USP7: variants seen among roughly 807,000 people sequenced by gnomAD.
The protein encoded by USP7 is ubiquitin C-terminal hydrolase 7.
USP7 carries 9 observed loss-of-function variants against 162.9 expected under a neutral mutation model. The ratio of observed to expected loss-of-function variants is 0.06; its 90% CI spans 0.03 to 0.10. The LOEUF (loss-of-function observed/expected upper bound fraction) is 0.10, where lower values mean the gene tolerates loss of function less well. USP7 is among the 10% of genes least tolerant of loss of function. USP7 has a pLI of 1.00. For synonymous variants in USP7, 562 were observed against 475.9 expected, an observed-to-expected ratio of 1.18 and a Z score of -2.35; for missense variants, 715 against 1,373.7, an observed-to-expected ratio of 0.52 and a Z score of 7.58.
Position 8,915,353 on chromosome 16 carries a change from A to G in USP7, c.988-9T>C. The G allele has an allele frequency of 6.2e-7, 1 of 1,613,322 alleles. No individual in the cohort carries two copies. The highest frequency in any genetic ancestry group is 8.5e-7 in the Non-Finnish European group (1 of 1,179,730). ...TTACACTGGATATAGGACTGCAAAT[A>G]AGGAAAGTAAAAGTGGTTTAACTAG... is the stretch of plus-strand genomic sequence containing the variant. On this transcript the variant is annotated splice_polypyrimidine_tract_variant and intron_variant, in intron 9 of 30. Coordinates refer to ENST00000344836, the MANE Select transcript of USP7 (RefSeq NM_003470.3).
chr16:8,899,908 C>A, intron 21 of USP7, 151 bp from the exon 22 acceptor site: 1 of 897,770 alleles, frequency 1.1e-6, no homozygotes, highest in South Asian at 1.5e-5. Context: ...AGGCATCTGC[C>A]TGAGCTCCCT....
chr16:8,920,592 C>G, intron 4 of USP7, 145 bp from the exon 5 acceptor site: 1 of 704,694 alleles, frequency 1.4e-6, no homozygotes, highest in Non-Finnish European at 2.3e-6. Context: ...TAATTTTAGA[C>G]TGTTTCAATT....
At chr16:8,957,276 C>T (rs549685797) in intron 1 of USP7, among the ~76,000 whole-genome samples, 2 of 152,300 alleles carry the variant, frequency 1.3e-5, no homozygotes, top group South Asian at 4.1e-4. Context: ...CTCCAACTTT[C>T]TTAAGTCCAA....
intron 18 of USP7, 128 bp downstream of exon 18, chr16:8,901,954 G>A: frequency 1.3e-6 from 1 of 786,006 alleles, no homozygotes; most frequent in Non-Finnish European, 2.0e-6. Flanking sequence ...AGTCTAGTGA[G>A]CTTTTGTGGA....
intron 1 of USP7, among the ~76,000 whole-genome samples, chr16:8,957,928 C>T (rs1467796110): frequency 3.3e-5 from 5 of 152,044 alleles, no homozygotes; most frequent in Non-Finnish European, 7.4e-5. Context: ...ATTACATTAA[C>T]GTTAAAAGCA....
rs145846238 is a variant in USP7, at chr16:8,929,305, C to T, written c.184+988G>A. 5.1e-5 allele frequency: 18 copies of T among 355,966 alleles called. No homozygotes were observed. The East Asian group carries it at 1.2e-3, about 24-fold the overall frequency. 22.1% of individuals were successfully genotyped at this position (355,966 alleles called of 1,614,324 possible). On this transcript the variant is annotated intron_variant, in intron 2 of 30. Coordinates refer to ENST00000344836, the MANE Select transcript of USP7 (RefSeq NM_003470.3). ...GAGACCACACCCACACCATTGCCCT[C>T]GTCTACGGTGGAAAGCGCACTCCAC...
intron 2 of USP7, among the ~76,000 whole-genome samples, chr16:8,928,768 C>T (rs1397257855): frequency 6.6e-6 from 1 of 152,218 alleles, no homozygotes; most frequent in African/African-American, 2.4e-5. Context: ...GGCATTTCCA[C>T]TTTCGGGTCC....
intron 1 of USP7, among the ~76,000 whole-genome samples, chr16:8,938,085 G>C (rs2141245278): frequency 6.6e-6 from 1 of 152,266 alleles, no homozygotes; most frequent in African/African-American, 2.4e-5. Context: ...CAGGGTCACA[G>C]CTGGACTGGC....
chr16:8,902,138 G>A lies in USP7; in HGVS notation c.1991C>T (p.Thr664Ile). 6.2e-7 allele frequency: 1 copy of A among 1,614,180 alleles called. No individual in the cohort carries two copies. Among genetic ancestry groups the A allele is most frequent in the Non-Finnish European group, 8.5e-7 (1 of 1,180,042 alleles). ...ACTAGCAGCCAGCTCGGGATCAACT[G>A]TTTCCAGGAATATTGTCCAAGGGTT... ...NENPWTIFLE[T>I]VDPELAASGA... Residue 664 changes from threonine (T) to isoleucine (I), a missense_variant, in exon 18 of 31, where the codon ACA (threonine) becomes ATA (isoleucine). By Grantham distance (89) the Thr-to-Ile change is moderately conservative (BLOSUM62 -1). Transcript: ENST00000344836.
At chr16:8,909,071 C>T (rs1269516387) in intron 11 of USP7, among the ~76,000 whole-genome samples, 3 of 152,212 alleles carry the variant, frequency 2.0e-5, no homozygotes, top group Non-Finnish European at 2.9e-5. Context: ...AGCTGACTGC[C>T]GGACTCTGTG....
At chr16:8,899,469 A>G (rs1467910354) in intron 22 of USP7, 135 bp downstream of exon 22, 1 of 1,137,640 alleles carries the variant, frequency 8.8e-7, no homozygotes, top group East Asian at 2.5e-5. Flanking sequence ...GCCTGAATCC[A>G]TCAGTGGGAG....
chr16:8,915,129 T>C, intron 10 of USP7, 125 bp downstream of exon 10: 1 of 911,226 alleles, frequency 1.1e-6, no homozygotes, highest in Non-Finnish European at 1.6e-6. Context: ...GTGAGCTGTT[T>C]GCTTAAGATC....
At chr16:8,960,019 C>T (rs1310612948) in intron 1 of USP7, among the ~76,000 whole-genome samples, 1 of 152,214 alleles carries the variant, frequency 6.6e-6, no homozygotes, top group Non-Finnish European at 1.5e-5. Flanking sequence ...GCAAGGCCTC[C>T]TGATAACTTC....
chr16:8,936,348 G>A (rs921956069), intron 1 of USP7, among the ~76,000 whole-genome samples: 17 of 152,074 alleles, frequency 1.1e-4, no homozygotes, highest in Admixed American at 6.6e-5. Flanking sequence ...GGTTCTGCAT[G>A]GTCCTCTCTT....
intron 26 of USP7, among the ~76,000 whole-genome samples, chr16:8,896,102 G>A (rs933476539): frequency 6.7e-6 from 1 of 149,840 alleles, no homozygotes; most frequent in Non-Finnish European, 1.5e-5. Context: ...GCCTCCCGAA[G>A]TGCTGGGATT....
chr16:8,899,336 T>A lies in USP7; in HGVS notation c.2464-148A>T, dbSNP rs546262308. ...AAACAGGAATAAACTATATTATTCCTTAATGAATCACCATGGGAGTAGCAT... is the reference window on the plus strand; with the variant it reads ...AAACAGGAATAAACTATATTATTCCATAATGAATCACCATGGGAGTAGCAT... On this transcript the variant is annotated intron_variant, in intron 22 of 30. Transcript: ENST00000344836. 3.8e-5 allele frequency: 31 copies of A among 817,960 alleles called. 1 individual carries two copies. In the South Asian group the frequency reaches 5.3e-4, roughly 14 times the overall value. The allele number at this position is 817,960 out of a possible 1,614,324, so 50.7% of individuals were successfully genotyped here.
chr16:8,943,385 G>A (rs1234381515), intron 1 of USP7, among the ~76,000 whole-genome samples: 1 of 151,576 alleles, frequency 6.6e-6, no homozygotes, highest in Non-Finnish European at 1.5e-5. Context: ...CTGCTCAACT[G>A]TGCAGCACAA....
At chr16:8,913,560 G>T (rs920179543) in intron 10 of USP7, among the ~76,000 whole-genome samples, 1 of 151,950 alleles carries the variant, frequency 6.6e-6, no homozygotes, top group African/African-American at 2.4e-5. Flanking sequence ...AGTCTACACC[G>T]AGTTAAAATG....
At position 8,953,238 on chromosome 16, in the gene USP7, T is replaced by C. The variant is rs181685274; in HGVS notation, c.79+9969A>G. Among the ~76,000 whole-genome samples, 25 of 152,234 alleles carry C rather than the reference T, an allele frequency of 1.6e-4. No homozygotes were observed. The East Asian group carries it at 4.2e-3, about 26-fold the overall frequency. ...AGTCCTGTCTCTCCTATGCCACAGC[T>C]GCTTTGCCGAAGCCCTCCCCTGCAC... On this transcript the variant is annotated intron_variant, in intron 1 of 30. Transcript: ENST00000344836.
Sources: allele counts gnomAD v4.1 joint callset (sites outside exome capture counted in the v4.1 genomes callset), GRCh38; gene constraint gnomAD v4.1.1; transcripts MANE v1.5; gene names NCBI Gene and HGNC (gene_info 2026-07-23, HGNC 2026-07-21).